CEP112: variants seen among roughly 807,000 people sequenced by gnomAD.
The protein encoded by CEP112 is centrosomal protein of 112 kDa.
In CEP112, 127 loss-of-function variants were observed where a neutral mutation model predicts 153.0. That is an observed-to-expected ratio of 0.83 (90% confidence interval 0.72 to 0.96). The LOEUF is 0.96. CEP112 is among the 40% of genes least tolerant of loss of function. The pLI, the probability that CEP112 is intolerant of heterozygous loss-of-function variation, is 0.00. For synonymous variants in CEP112, 358 were observed against 374.4 expected (o/e 0.96, Z 0.51); for missense variants, 1,089 against 1,101.2 (o/e 0.99, Z 0.16).
intron 19 of CEP112, among the ~76,000 whole-genome samples, chr17:65,926,108 C>T (rs1267495911): frequency 2.6e-5 from 4 of 152,120 alleles, no homozygotes; most frequent in Non-Finnish European, 4.4e-5. Context: ...TTACACAAAC[C>T]GGTCCTAACC....
chr17:65,860,433 C>A (rs956915498), intron 20 of CEP112, among the ~76,000 whole-genome samples: 4 of 152,236 alleles, frequency 2.6e-5, no homozygotes, highest in Admixed American at 2.0e-4. Context: ...TGTACAGGGA[C>A]AAACATAGTA....
chr17:65,865,400 G>T (rs1860834), intron 20 of CEP112, among the ~76,000 whole-genome samples: 141,435 of 152,272 alleles, frequency 0.93, 65,888 homozygotes, highest in Non-Finnish European at 0.97. Context: ...AACTAGCTTA[G>T]GGTAAGTATC....
At chr17:65,870,430 A>G (rs1489461456) in intron 20 of CEP112, among the ~76,000 whole-genome samples, 1 of 152,238 alleles carries the variant, frequency 6.6e-6, no homozygotes, top group African/African-American at 2.4e-5. Flanking sequence ...GAAAATTGCA[A>G]ATGAAATATC....
Position 66,029,868 on chromosome 17 carries a change from C to T in CEP112, c.1373+1G>A, listed in dbSNP as rs1389357421. On this transcript the variant is annotated splice_donor_variant, in intron 13 of 26. Coordinates refer to ENST00000535342, the MANE Select transcript of CEP112 (RefSeq NM_001199165.4). LOFTEE classifies it high-confidence loss of function. ...GATAAATATCTGATTTCAGACAATA[C>T]CTTGCCTTTACTTCTTGTAATTCAC... is the stretch of plus-strand genomic sequence containing the variant. The T allele has an allele frequency of 2.5e-6, 4 of 1,612,098 alleles. No homozygotes were observed. The South Asian group carries it at 3.3e-5, about 13-fold the overall frequency.
chr17:65,935,836 C>T (rs2061287361), intron 18 of CEP112, among the ~76,000 whole-genome samples: 1 of 150,616 alleles, frequency 6.6e-6, no homozygotes, highest in Non-Finnish European at 1.5e-5. Flanking sequence ...TAATATTATA[C>T]CTCAGAACTA....
intron 24 of CEP112, among the ~76,000 whole-genome samples, chr17:65,666,839 T>C (rs1171543745): frequency 1.3e-5 from 2 of 152,198 alleles, no homozygotes; most frequent in African/African-American, 2.4e-5. Flanking sequence ...TATTATACTC[T>C]GGCAAGGCAT....
At chr17:65,638,912 T>C (rs2143247744) in intron 25 of CEP112, among the ~76,000 whole-genome samples, 1 of 152,048 alleles carries the variant, frequency 6.6e-6, no homozygotes, top group African/African-American at 2.4e-5. Flanking sequence ...TTTTTCCTCT[T>C]CCTAAAAAAA....
chr17:65,939,202 C>T (rs1401482335), intron 18 of CEP112, among the ~76,000 whole-genome samples: 1 of 152,068 alleles, frequency 6.6e-6, no homozygotes, highest in African/African-American at 2.4e-5. Context: ...AAGATGTATA[C>T]ATTGAAAACT....
At chr17:65,737,052 T>C (rs1598431026) in intron 23 of CEP112, among the ~76,000 whole-genome samples, 3 of 152,174 alleles carry the variant, frequency 2.0e-5, no homozygotes, top group African/African-American at 4.8e-5. Flanking sequence ...GGCAGCATTA[T>C]TGTGGTAATA....
At chr17:65,713,062 C>A (rs1365454268) in intron 23 of CEP112, among the ~76,000 whole-genome samples, 1 of 152,160 alleles carries the variant, frequency 6.6e-6, no homozygotes, top group African/African-American at 2.4e-5. Context: ...GTATAATCAC[C>A]ATACATTGGT....
Position 65,846,554 on chromosome 17 carries a change from T to C in CEP112, c.2394+5250A>G, listed in dbSNP as rs935319772. 3.9e-5 allele frequency among the ~76,000 whole-genome samples: 6 copies of C among 152,216 alleles called. No homozygotes were observed. The East Asian group carries it at 9.7e-4, about 25-fold the overall frequency. On this transcript the variant is annotated intron_variant, in intron 21 of 26. Coordinates refer to ENST00000535342, the MANE Select transcript of CEP112 (RefSeq NM_001199165.4). The stretch of plus-strand genomic sequence containing the variant: ...TCTTGAATTTCTCAGTAGATTATCA[T>C]TCTTTTTGTTTTGTTTTGTTTTGTT...
At chr17:65,767,675 G>A (rs1249359222) in intron 21 of CEP112, among the ~76,000 whole-genome samples, 18 of 151,918 alleles carry the variant, frequency 1.2e-4, no homozygotes. Context: ...TATAAACTCA[G>A]ATATGAAAGT....
intron 24 of CEP112, among the ~76,000 whole-genome samples, chr17:65,683,335 T>C (rs1415760040): frequency 2.0e-5 from 3 of 152,350 alleles, no homozygotes; most frequent in African/African-American, 7.2e-5. Flanking sequence ...AAATAATTTA[T>C]GAGTCACTTG....
chr17:65,749,501 C>CT (rs1356507007), intron 22 of CEP112, among the ~76,000 whole-genome samples: 1 of 151,648 alleles, frequency 6.6e-6, no homozygotes, highest in Non-Finnish European at 1.5e-5. Flanking sequence ...GAGCGAGGCT[C>CT]TGTCTCAAAA....
At chr17:66,151,368 T>C (rs891639398) in intron 4 of CEP112, among the ~76,000 whole-genome samples, 5 of 152,174 alleles carry the variant, frequency 3.3e-5, no homozygotes, top group African/African-American at 1.2e-4. Context: ...TGTCTTTTCA[T>C]TATATGCTTA....
At chr17:65,847,836 G>A (rs1481482074) in intron 21 of CEP112, among the ~76,000 whole-genome samples, 1 of 152,232 alleles carries the variant, frequency 6.6e-6, no homozygotes, top group Non-Finnish European at 1.5e-5. Flanking sequence ...GAGGAGTGTA[G>A]AATGATGTCA....
At chr17:65,950,515 T>G (rs1185491012) in intron 18 of CEP112, among the ~76,000 whole-genome samples, 2 of 152,116 alleles carry the variant, frequency 1.3e-5, no homozygotes, top group African/African-American at 2.4e-5. Flanking sequence ...CTTTCTTAAT[T>G]TCATTTTCAA....
chr17:65,740,944 A>C (rs2051097304), intron 23 of CEP112, among the ~76,000 whole-genome samples: 1 of 152,184 alleles, frequency 6.6e-6, no homozygotes, highest in Non-Finnish European at 1.5e-5. Flanking sequence ...TCATTTTGGC[A>C]CTTGGTCATT....
chr17:66,055,857 C>T (rs2080389000), intron 11 of CEP112, among the ~76,000 whole-genome samples: 1 of 152,152 alleles, frequency 6.6e-6, no homozygotes, highest in South Asian at 2.1e-4. Context: ...GGCATCTGGT[C>T]TCATAGTCTA....
Sources: gnomAD v4.1 joint callset for allele counts (sites outside exome capture counted in the v4.1 genomes callset) on GRCh38, gnomAD v4.1.1 for gene constraint, MANE v1.5 for transcripts, NCBI Gene and HGNC (gene_info 2026-07-23, HGNC 2026-07-21) for gene names.